The following NTM variants were observed in gnomAD, a reference collection of about 807,000 sequenced individuals.
NTM encodes IgLON family member 2.
Under a neutral mutation model 42.1 loss-of-function variants are expected in NTM, and 13 were observed. The observed-to-expected ratio is 0.31, with a 90% CI of 0.20 to 0.49. The LOEUF is 0.49. NTM is among the 20% of genes least tolerant of loss of function. NTM has a pLI of 0.99. For missense variants in NTM, 373 were observed against 452.8 expected (o/e 0.82, Z 1.60); for synonymous variants, 187 against 179.2 (o/e 1.04, Z -0.35).
At chr11:132,162,377 T>C (rs2074478306) in intron 3 of NTM, among the ~76,000 whole-genome samples, 1 of 145,008 alleles carries the variant, frequency 6.9e-6, no homozygotes, top group African/African-American at 2.6e-5. Context: ...TGCGTGAGTG[T>C]GTGTATGTGT....
chr11:132,177,802 G>T (rs925372635), intron 3 of NTM, among the ~76,000 whole-genome samples: 1 of 152,290 alleles, frequency 6.6e-6, no homozygotes, highest in South Asian at 2.1e-4. Context: ...TTCATCTGTC[G>T]TATGACTATG....
chr11:132,121,272 G>T (rs749256596), intron 2 of NTM, among the ~76,000 whole-genome samples: 6 of 152,056 alleles, frequency 3.9e-5, no homozygotes, highest in Non-Finnish European at 7.4e-5. Context: ...GGGTGTTAAT[G>T]TCCTACTCTT....
intron 1 of NTM, among the ~76,000 whole-genome samples, chr11:131,506,896 A>C (rs1411102623): frequency 1.3e-5 from 2 of 152,216 alleles, no homozygotes; most frequent in Non-Finnish European, 2.9e-5. Flanking sequence ...ATATTAAGGA[A>C]AAGGAAAATG....
intron 1 of NTM, among the ~76,000 whole-genome samples, chr11:131,375,622 G>T (rs1049617000): frequency 1.3e-5 from 2 of 152,144 alleles, no homozygotes; most frequent in African/African-American, 4.8e-5. Context: ...TTCAGTGTGG[G>T]ACTGCAGCGT....
intron 1 of NTM, among the ~76,000 whole-genome samples, chr11:131,863,938 A>T (rs1412701381): frequency 6.6e-6 from 1 of 152,216 alleles, no homozygotes; most frequent in East Asian, 1.9e-4. Flanking sequence ...ATCAAGTTTC[A>T]GATAAACCAG....
rs553689075 is a variant in NTM, at chr11:131,561,559, TTC to T, written c.82+190672_82+190673del. ...CAACCAAGGCAAAAAACTGTGGCCA[TTC>T]ACTTAGTTACAGATCCCAGAGGATC... On this transcript the variant is annotated intron_variant, in intron 1 of 8. Transcript: ENST00000683400. Among the ~76,000 whole-genome samples the T allele has an allele frequency of 2.9e-3, 438 of 152,316 alleles. 1 individual carries two copies. The highest frequency in any genetic ancestry group is 1.0e-2 in the African/African-American group (414 of 41,574).
intron 1 of NTM, among the ~76,000 whole-genome samples, chr11:131,707,915 C>T (rs1480639070): frequency 1.3e-5 from 2 of 152,006 alleles, no homozygotes; most frequent in African/African-American, 2.4e-5. Flanking sequence ...AAGTTTTAGA[C>T]AGAGCAATTA....
At chr11:131,600,659 C>G (rs541462645) in intron 1 of NTM, among the ~76,000 whole-genome samples, 1 of 152,162 alleles carries the variant, frequency 6.6e-6, no homozygotes, top group South Asian at 2.1e-4. Flanking sequence ...ATCCTGCCTA[C>G]GTTTAGCAGG....
At chr11:131,878,039 A>T (rs1282763515) in intron 1 of NTM, 2 of 152,066 alleles carry the variant, frequency 1.3e-5, no homozygotes, top group Admixed American at 1.3e-4. Flanking sequence ...TTTTCTTTTC[A>T]TGTGTTCTTT....
intron 1 of NTM, among the ~76,000 whole-genome samples, chr11:131,406,136 T>C (rs1945791352): frequency 6.6e-6 from 1 of 152,240 alleles, no homozygotes; most frequent in African/African-American, 2.4e-5. Context: ...GGTATTGTCT[T>C]GTTCATCACT....
At chr11:132,004,331 C>CA (rs2070195558) in intron 2 of NTM, among the ~76,000 whole-genome samples, 1 of 152,136 alleles carries the variant, frequency 6.6e-6, no homozygotes, top group Non-Finnish European at 1.5e-5. Flanking sequence ...TTACATCTGT[C>CA]AAAATATGTC....
intron 1 of NTM, among the ~76,000 whole-genome samples, chr11:131,878,595 ATATATATATATATAT>A (rs1425049251): frequency 0.013 from 150 of 11,144 alleles, 32 homozygotes; most frequent in Non-Finnish European, 0.016. Context: ...AAAAAAAAAA[ATATATATATATATAT>A]ATATATATAT....
At chr11:132,132,631 T>C (rs1318411041) in intron 2 of NTM, among the ~76,000 whole-genome samples, 5 of 152,208 alleles carry the variant, frequency 3.3e-5, no homozygotes, top group Admixed American at 3.3e-4. Flanking sequence ...GCGGAGTCCT[T>C]GATACTCTTC....
At chr11:131,996,689 AT>A (rs1378349249) in intron 2 of NTM, among the ~76,000 whole-genome samples, 1 of 151,694 alleles carries the variant, frequency 6.6e-6, no homozygotes, top group Non-Finnish European at 1.5e-5. Context: ...TGTCGTCTTC[AT>A]ACTTGCTTTA....
At chr11:132,028,011 G>C (rs1454550732) in intron 2 of NTM, among the ~76,000 whole-genome samples, 2 of 151,124 alleles carry the variant, frequency 1.3e-5, no homozygotes, top group Non-Finnish European at 2.9e-5. Flanking sequence ...ATTGATCCAT[G>C]GCATTCTTCA....
intron 3 of NTM, among the ~76,000 whole-genome samples, chr11:132,172,450 G>A (rs1270040751): frequency 3.3e-5 from 5 of 152,158 alleles, no homozygotes; most frequent in African/African-American, 9.7e-5. Flanking sequence ...GAACCTACAA[G>A]CCTTCTCTTT....
chr11:131,435,628 A>T (rs375932417), intron 1 of NTM, among the ~76,000 whole-genome samples: 1 of 152,152 alleles, frequency 6.6e-6, no homozygotes, highest in Admixed American at 6.5e-5. Flanking sequence ...ATTTTTGCAC[A>T]TTGATTTTGT....
At chr11:132,303,766 G>T (rs2094960977) in intron 4 of NTM, among the ~76,000 whole-genome samples, 1 of 151,276 alleles carries the variant, frequency 6.6e-6, no homozygotes, top group African/African-American at 2.4e-5. Flanking sequence ...TGTTGGTCCA[G>T]GATGAGAACT....
intron 1 of NTM, chr11:131,661,150 G>A (rs764747384): frequency 5.3e-5 from 38 of 717,088 alleles, no homozygotes; most frequent in Admixed American, 1.6e-4. Flanking sequence ...AGGTCCAGGT[G>A]GTGACTGTGG....
Sources: gnomAD v4.1 joint callset for allele counts (sites outside exome capture counted in the v4.1 genomes callset) on GRCh38, gnomAD v4.1.1 for gene constraint, MANE v1.5 for transcripts, NCBI Gene and HGNC (gene_info 2026-07-23, HGNC 2026-07-21) for gene names.